The following MRPL42 variants were observed in gnomAD, a reference collection of about 807,000 sequenced individuals.
MRPL42 encodes the protein large ribosomal subunit protein mL42.
Under a neutral mutation model 17.9 loss-of-function variants are expected in MRPL42, and 17 were observed. That is an observed-to-expected ratio of 0.95 (90% CI 0.65 to 1.42). The LOEUF (loss-of-function observed/expected upper bound fraction) is 1.42. MRPL42 is among the 40% of genes most tolerant of loss of function. MRPL42 has a pLI of 0.00. For synonymous variants in MRPL42, 59 were observed against 54.4 expected (o/e 1.08, Z -0.37); for missense variants, 177 against 175.2 (o/e 1.01, Z -0.06).
rs1953763987 is a variant in MRPL42 at position 93,514,769 on chromosome 12, A to G, written c.*13548A>G. ...CTTATTATCCATATGACATGTTTCC[A>G]GAACTCTCCCTTATCCTGATTGTCC... On this transcript the variant is annotated 3_prime_UTR_variant, in exon 6 of 6. Transcript: ENST00000549982. 1 of 152,152 alleles carries G rather than the reference A, an allele frequency of 6.6e-6. No homozygotes were observed. The highest frequency in any genetic ancestry group is 2.1e-4 in the South Asian group (1 of 4,832). 9.4% of individuals were successfully genotyped at this position (152,152 alleles called of 1,614,324 possible).
Position 93,487,505 on chromosome 12 carries a change from T to A in MRPL42, c.228T>A (p.Pro76=). The change falls in exon 5 of 6, where the codon CCT becomes CCA. Residue 76 remains proline (P), a synonymous_variant. Coordinates refer to ENST00000549982, the MANE Select transcript of MRPL42 (RefSeq NM_014050.4). ...DIPYEHTKPI[P]RPDPVHNNEE... ...TACTGATTATTTTGTAGCCTATCCC[T>A]CGGCCAGATCCTGTGCATAATAATG... The A allele has an allele frequency of 6.2e-7, 1 of 1,610,162 alleles. No individual in the cohort carries two copies. The highest frequency in any genetic ancestry group is 8.5e-7 in the Non-Finnish European group (1 of 1,178,934).
At chr12:93,471,702 T>C (rs539668215) in intron 2 of MRPL42, among the ~76,000 whole-genome samples, 1 of 152,320 alleles carries the variant, frequency 6.6e-6, no homozygotes, top group South Asian at 2.1e-4. Flanking sequence ...TATTACATTA[T>C]ATTCAAAGTA....
At position 93,492,664 on chromosome 12, in the gene MRPL42, G is replaced by T. The variant is rs113663186; in HGVS notation, c.383+5004G>T. Among the ~76,000 whole-genome samples, 413 of 152,362 alleles carry T rather than the reference G, an allele frequency of 2.7e-3. 2 individuals carry two copies. Among genetic ancestry groups the T allele is most frequent in the African/African-American group, 9.7e-3 (405 of 41,580 alleles). ...GAATGCTAAGAACTGTCCATTAAAA[G>T]TGTCATTCAGCATACACTGTTCAAT... On this transcript the variant is annotated intron_variant, in intron 5 of 5. Coordinates refer to ENST00000549982, the MANE Select transcript of MRPL42 (RefSeq NM_014050.4).
chr12:93,470,247 A>T (rs1879844582), intron 2 of MRPL42, among the ~76,000 whole-genome samples: 1 of 152,150 alleles, frequency 6.6e-6, no homozygotes, highest in Non-Finnish European at 1.5e-5. Flanking sequence ...TTGTTAATAC[A>T]TGTTTGACAG....
chr12:93,488,922 C>G (rs1953362127), intron 5 of MRPL42, among the ~76,000 whole-genome samples: 1 of 151,114 alleles, frequency 6.6e-6, no homozygotes, highest in Non-Finnish European at 1.5e-5. Flanking sequence ...AACTCGTGGG[C>G]TCAAGCAATC....
Position 93,514,928 on chromosome 12 carries a change from A to G in MRPL42, c.*13707A>G, listed in dbSNP as rs1279154938. 4 of 152,120 alleles carry G rather than the reference A, an allele frequency of 2.6e-5. No individual in the cohort carries two copies. The highest frequency in any genetic ancestry group is 5.9e-5 in the Non-Finnish European group (4 of 68,034). The allele number at this position is 152,120 out of a possible 1,614,324, so 9.4% of individuals were successfully genotyped here. On this transcript the variant is annotated 3_prime_UTR_variant, in exon 6 of 6. Transcript: ENST00000549982. Reference sequence around the variant, plus strand: ...CATTACATTTTTTAGCAGTCATGTCATCCTCTTGATTTGCATTGAGTCATC... The same window carrying G: ...CATTACATTTTTTAGCAGTCATGTCGTCCTCTTGATTTGCATTGAGTCATC...
intron 5 of MRPL42, among the ~76,000 whole-genome samples, chr12:93,499,727 G>T (rs1953556432): frequency 1.3e-5 from 2 of 152,104 alleles, no homozygotes; most frequent in African/African-American, 4.8e-5. Flanking sequence ...ATAGACAGCT[G>T]TACTTCGTTC....
rs992749334 is a variant in MRPL42 at position 93,503,407 on chromosome 12, G to A, written c.*2186G>A. The stretch of plus-strand genomic sequence containing the variant: ...ATTTTTTTTTTTTTTTAAAGAAAAG[G>A]TCTTGCTGTGTCGCCCAGGATGGAG... On this transcript the variant is annotated 3_prime_UTR_variant, in exon 6 of 6. Coordinates refer to ENST00000549982, the MANE Select transcript of MRPL42 (RefSeq NM_014050.4). 6.6e-6 allele frequency: 1 copy of A among 150,644 alleles called. No homozygotes were observed. Among genetic ancestry groups the A allele is most frequent in the Non-Finnish European group, 1.5e-5 (1 of 67,814 alleles). The allele number at this position is 150,644 out of a possible 1,614,324, so 9.3% of individuals were successfully genotyped here.
In MRPL42 at chr12:93,514,295, C is replaced by CTTTTTTTTTTTT. The variant is rs55890236; in HGVS notation, c.*13083_*13094dup. On this transcript the variant is annotated 3_prime_UTR_variant, in exon 6 of 6. Transcript: ENST00000549982. Reference sequence around the variant, plus strand: ...CCCTCTGCTTTTTCTTTCTTTCTTTCTTTTTTTTTTTTTTTTTTTTGAGAT... The same window carrying CTTTTTTTTTTTT: ...CCCTCTGCTTTTTCTTTCTTTCTTTCTTTTTTTTTTTTTTTTTTTTTTTTTTTTTTTTGAGAT... 8 of 120,850 alleles carry CTTTTTTTTTTTT rather than the reference C, an allele frequency of 6.6e-5. No individual in the cohort carries two copies. Among genetic ancestry groups the CTTTTTTTTTTTT allele is most frequent in the East Asian group, 2.2e-4 (1 of 4,450 alleles). 7.5% of individuals were successfully genotyped at this position (120,850 alleles called of 1,614,324 possible). A position where few individuals can be genotyped will look rare whatever the true frequency, so the allele number is the denominator to read the frequency against.
At chr12:93,495,226 A>G (rs1199824621) in intron 5 of MRPL42, among the ~76,000 whole-genome samples, 1 of 152,222 alleles carries the variant, frequency 6.6e-6, no homozygotes, top group African/African-American at 2.4e-5. Context: ...TGACCTAAGA[A>G]AAAAGTCCTA....
chr12:93,501,018 G>A, intron 5 of MRPL42, 158 bp from the exon 6 acceptor site: 1 of 563,516 alleles, frequency 1.8e-6, no homozygotes, highest in Non-Finnish European at 3.1e-6. Flanking sequence ...TTTTCACAAT[G>A]GGAGAATGTG....
At chr12:93,480,080 G>A (rs1420297102) in intron 4 of MRPL42, among the ~76,000 whole-genome samples, 1 of 151,534 alleles carries the variant, frequency 6.6e-6, no homozygotes, top group Non-Finnish European at 1.5e-5. Flanking sequence ...TATTTGAAAT[G>A]CTTTTTCCTA....
rs1953591157 is a variant in MRPL42, at chr12:93,501,288, G to T, written c.*67G>T. 4 of 1,209,912 alleles carry T rather than the reference G, an allele frequency of 3.3e-6. No individual in the cohort carries two copies. The highest frequency in any genetic ancestry group is 1.4e-5 in the South Asian group (1 of 72,304). 74.9% of individuals were successfully genotyped at this position (1,209,912 alleles called of 1,614,324 possible). ...TTGCCATTTGAGAAAATGCAGTCTG[G>T]TGTATTCAGTAATATATAGTAAAGT... On this transcript the variant is annotated 3_prime_UTR_variant, in exon 6 of 6. Coordinates refer to ENST00000549982, the MANE Select transcript of MRPL42 (RefSeq NM_014050.4).
chr12:93,467,838 C>G (rs1466875364), intron 1 of MRPL42, among the ~76,000 whole-genome samples: 1 of 152,132 alleles, frequency 6.6e-6, no homozygotes, highest in Non-Finnish European at 1.5e-5. Flanking sequence ...GTAGCCTGTT[C>G]CTCAAACCTC....
At chr12:93,470,958 C>T (rs746318666) in intron 2 of MRPL42, among the ~76,000 whole-genome samples, 16 of 152,096 alleles carry the variant, frequency 1.1e-4, no homozygotes, top group Non-Finnish European at 2.4e-4. Context: ...TTGACCTTGA[C>T]CTTTGTCTCT....
intron 4 of MRPL42, among the ~76,000 whole-genome samples, chr12:93,485,391 C>T (rs945530906): frequency 3.9e-5 from 6 of 152,026 alleles, no homozygotes; most frequent in Admixed American, 1.3e-4. Flanking sequence ...ATCTGCCTGT[C>T]TCAGTCTCCC....
At chr12:93,479,572 GT>G (rs1880358343) in intron 4 of MRPL42, 100 bp downstream of exon 4, 1 of 607,442 alleles carries the variant, frequency 1.6e-6, no homozygotes, top group Non-Finnish European at 2.6e-6. Context: ...GATTTTCTTT[GT>G]TTTAGATTTT....
rs1409619285 is a variant in MRPL42, at chr12:93,509,153, A to G, written c.*7932A>G. On this transcript the variant is annotated 3_prime_UTR_variant, in exon 6 of 6. Transcript: ENST00000549982. ...CAGTGGGCCAAGATCACACCACTGCACTCCAGTCTGGGTGATAAAACGAGA... is the reference window on the plus strand; with the variant it reads ...CAGTGGGCCAAGATCACACCACTGCGCTCCAGTCTGGGTGATAAAACGAGA... 1 of 144,364 alleles carries G rather than the reference A, an allele frequency of 6.9e-6. No homozygotes were observed. Among genetic ancestry groups the G allele is most frequent in the African/African-American group, 2.6e-5 (1 of 38,350 alleles). 8.9% of individuals were successfully genotyped at this position (144,364 alleles called of 1,614,324 possible).
chr12:93,515,854 AAAC>A lies in MRPL42; in HGVS notation c.*14636_*14638del, dbSNP rs1488956664. On this transcript the variant is annotated 3_prime_UTR_variant, in exon 6 of 6. Coordinates refer to ENST00000549982, the MANE Select transcript of MRPL42 (RefSeq NM_014050.4). ...TCTGAAACCTTAATAAAGTGAGAAA[AAAC>A]AAGTCCACTTTGTAATTTTGTCTAA... is the stretch of plus-strand genomic sequence containing the variant. The A allele has an allele frequency of 1.3e-5, 2 of 152,148 alleles. No homozygotes were observed. Among genetic ancestry groups the A allele is most frequent in the African/African-American group, 4.8e-5 (2 of 41,412 alleles). 9.4% of individuals were successfully genotyped at this position (152,148 alleles called of 1,614,324 possible).
Sources: allele counts gnomAD v4.1 joint callset (sites outside exome capture counted in the v4.1 genomes callset), GRCh38; gene constraint gnomAD v4.1.1; transcripts MANE v1.5; gene names NCBI Gene and HGNC (gene_info 2026-07-23, HGNC 2026-07-21).